Variants in BIRC2 observed in about 807,000 individuals in gnomAD.
BIRC2 encodes baculoviral IAP repeat containing 2, also known as baculoviral IAP repeat-containing protein 2.
Under a neutral mutation model 60.9 loss-of-function variants are expected in BIRC2, and 18 were observed. The observed-to-expected ratio is 0.30, with a 90% CI of 0.20 to 0.44. BIRC2 has a LOEUF of 0.44. Among genes scored for constraint, BIRC2 ranks in the 20% least tolerant of loss-of-function variants. The pLI, the probability that BIRC2 is intolerant of heterozygous loss-of-function variation, is 1.00. For synonymous variants in BIRC2, 282 were observed against 247.7 expected, an observed-to-expected ratio of 1.14 and a Z score of -1.30; for missense variants, 701 against 728.5, an observed-to-expected ratio of 0.96 and a Z score of 0.43.
chr11:102,373,786 C>G (rs895466263), intron 6 of BIRC2, among the ~76,000 whole-genome samples: 36 of 151,746 alleles, frequency 2.4e-4, no homozygotes, highest in Admixed American at 1.0e-3. Flanking sequence ...TCCAATCTCC[C>G]CATCACTTTC....
At chr11:102,366,491 CA>C (rs1951554374) in intron 5 of BIRC2, among the ~76,000 whole-genome samples, 1 of 152,052 alleles carries the variant, frequency 6.6e-6, no homozygotes, top group Non-Finnish European at 1.5e-5. Context: ...CTCAGCCTCC[CA>C]GGTAGCTGGG....
At position 102,377,986 on chromosome 11, in the gene BIRC2, T is replaced by C. The variant is rs369998510; in HGVS notation, c.1664-4T>C. ...ATTTCACTAAAGTTATTTTTTGTTA[T>C]TAGGTCTGTCACTGGAAGAACAATT... On this transcript the variant is annotated splice_region_variant and splice_polypyrimidine_tract_variant and intron_variant, in intron 8 of 8. Transcript: ENST00000227758. 1.2e-5 allele frequency: 20 copies of C among 1,605,320 alleles called. No individual in the cohort carries two copies. In the South Asian group the frequency reaches 1.5e-4, roughly 12 times the overall value.
intron 3 of BIRC2, among the ~76,000 whole-genome samples, chr11:102,361,965 T>C (rs1329830986): frequency 1.3e-5 from 2 of 152,066 alleles, no homozygotes; most frequent in Admixed American, 6.5e-5. Context: ...TGTCTCCTAG[T>C]CTGCTGTCTT....
chr11:102,351,988 C>T (rs989845187), intron 3 of BIRC2, among the ~76,000 whole-genome samples: 1 of 152,102 alleles, frequency 6.6e-6, no homozygotes, highest in African/African-American at 2.4e-5. Context: ...GCGATTATAC[C>T]GCTATCCATC....
At chr11:102,360,005 C>T (rs1294862854) in intron 3 of BIRC2, among the ~76,000 whole-genome samples, 2 of 149,282 alleles carry the variant, frequency 1.3e-5, no homozygotes, top group Non-Finnish European at 3.0e-5. Context: ...CTTGTTCTGT[C>T]ACCCAGGCTG....
chr11:102,368,400 A>G lies in BIRC2; in HGVS notation c.1218A>G (p.Arg406=). The change falls in exon 6 of 9, where the codon AGA becomes AGG. Residue 406 remains arginine (R), a synonymous_variant. Transcript: ENST00000227758. ...VKSALEMGFN[R]DLVKQTVQSK... ...CTGCCTTGGAAATGGGCTTTAATAG[A>G]GACCTGGTGAAACAAACAGTTCAAA... 1 of 1,614,100 alleles carries G rather than the reference A, an allele frequency of 6.2e-7. No individual in the cohort carries two copies. The highest frequency in any genetic ancestry group is 8.5e-7 in the Non-Finnish European group (1 of 1,180,000).
chr11:102,365,181 ATTAC>A (rs1329987881), intron 5 of BIRC2, among the ~76,000 whole-genome samples: 1 of 152,138 alleles, frequency 6.6e-6, no homozygotes, highest in Non-Finnish European at 1.5e-5. Context: ...TTCTAAGGCC[ATTAC>A]TTCTACTTGT....
At chr11:102,351,642 A>G (rs1016189875) in intron 3 of BIRC2, among the ~76,000 whole-genome samples, 8 of 146,706 alleles carry the variant, frequency 5.5e-5, no homozygotes, top group African/African-American at 1.4e-4. Flanking sequence ...AAAAAAGAAA[A>G]AAGCATATCT....
In BIRC2 at chr11:102,366,731, C is replaced by A. The variant is rs113310159; in HGVS notation, c.1124-1575C>A. On this transcript the variant is annotated intron_variant, in intron 5 of 8. Coordinates refer to ENST00000227758, the MANE Select transcript of BIRC2 (RefSeq NM_001166.5). ...TGTGTCTAACATCCTAACAAGTCTT[C>A]CTGATTCTGGTTTACCCCATTAAAG... Among the ~76,000 whole-genome samples, 1,475 of 152,250 alleles carry A rather than the reference C, an allele frequency of 9.7e-3. 23 individuals carry two copies. The highest frequency in any genetic ancestry group is 0.034 in the African/African-American group (1,395 of 41,544).
Position 102,350,460 on chromosome 11 carries a change from A to G in BIRC2, c.606A>G (p.Ser202=). Residue 202 remains serine, a synonymous_variant, in exon 2 of 9, where the codon TCA becomes TCG. Transcript: ENST00000227758. ...HMWPLTFLSP[S]ELARAGFYYI... The stretch of plus-strand genomic sequence containing the variant: ...GGCCATTAACTTTTTTGTCACCATC[A>G]GAATTGGCAAGAGCTGGTTTTTATT... The G allele has an allele frequency of 8.1e-6, 13 of 1,614,216 alleles. No homozygotes were observed. The highest frequency in any genetic ancestry group is 1.1e-5 in the Non-Finnish European group (13 of 1,180,032).
chr11:102,350,631 T>C lies in BIRC2; in HGVS notation c.777T>C (p.Phe259=), dbSNP rs1951348364. Residue 259 remains phenylalanine, a synonymous_variant, in exon 2 of 9, where the codon TTT becomes TTC. Coordinates refer to ENST00000227758, the MANE Select transcript of BIRC2 (RefSeq NM_001166.5). The part of the protein sequence containing the change: ...FLENSLETLR[F]SISNLSMQTH... Reference sequence around the variant, plus strand: ...AAAATTCTCTAGAAACTCTGAGGTTTAGCATTTCAAATCTGAGCATGCAGA... The same window carrying C: ...AAAATTCTCTAGAAACTCTGAGGTTCAGCATTTCAAATCTGAGCATGCAGA... The C allele has an allele frequency of 1.2e-6, 2 of 1,614,046 alleles. No individual in the cohort carries two copies. The highest frequency in any genetic ancestry group is 1.7e-6 in the Non-Finnish European group (2 of 1,180,052).
intron 3 of BIRC2, among the ~76,000 whole-genome samples, chr11:102,353,009 C>G (rs1439853134): frequency 6.6e-6 from 1 of 151,946 alleles, no homozygotes; most frequent in African/African-American, 2.4e-5. Context: ...TAAATTTTGA[C>G]TTTTTTACAC....
chr11:102,348,483 T>C (rs1388407947), intron 1 of BIRC2, 115 bp from the exon 2 acceptor site: 1 of 160,210 alleles, frequency 6.2e-6, no homozygotes, highest in Non-Finnish European at 1.4e-5. Context: ...AATTAAGATG[T>C]ATTATCTAAA....
intron 3 of BIRC2, among the ~76,000 whole-genome samples, chr11:102,352,347 C>A (rs974530210): frequency 2.6e-5 from 4 of 152,048 alleles, no homozygotes; most frequent in Non-Finnish European, 5.9e-5. Flanking sequence ...ATCTCCTGAC[C>A]TCGTGATCCA....
intron 4 of BIRC2, 84 bp downstream of exon 4, chr11:102,363,058 G>A: frequency 9.2e-7 from 1 of 1,088,978 alleles, no homozygotes; most frequent in Non-Finnish European, 1.3e-6. Context: ...AAGTGATCAT[G>A]ATTTTTGCCA....
At chr11:102,351,440 C>A (rs1440657986) in intron 3 of BIRC2, among the ~76,000 whole-genome samples, 3 of 151,530 alleles carry the variant, frequency 2.0e-5, no homozygotes, top group Admixed American at 6.6e-5. Context: ...CATGGTGAAA[C>A]CCCGTATGTA....
rs1379669850 is a variant in BIRC2 at position 102,347,623 on chromosome 11, T to G, written c.-1258+247T>G. On this transcript the variant is annotated intron_variant, in intron 1 of 8. Coordinates refer to ENST00000227758, the MANE Select transcript of BIRC2 (RefSeq NM_001166.5). ...TTAAAATGACTTGTTTTCAAGCCTC[T>G]GGCCGCCGCCCACTCTTCTGGCCCT... 2.6e-5 allele frequency: 4 copies of G among 152,260 alleles called. No individual in the cohort carries two copies. The East Asian group carries it at 5.8e-4, about 22-fold the overall frequency. 9.4% of individuals were successfully genotyped at this position (152,260 alleles called of 1,614,324 possible).
At position 102,378,255 on chromosome 11, in the gene BIRC2, A is replaced by G. The variant is rs1951736829; in HGVS notation, c.*72A>G. The stretch of plus-strand genomic sequence containing the variant: ...ATTGTTGAACACTTGAAGCCATCTA[A>G]AGTAAAAAGGGAATTATGAGTTTTT... On this transcript the variant is annotated 3_prime_UTR_variant, in exon 9 of 9. Coordinates refer to ENST00000227758, the MANE Select transcript of BIRC2 (RefSeq NM_001166.5). The G allele has an allele frequency of 8.3e-7, 1 of 1,198,562 alleles. No individual in the cohort carries two copies. Among genetic ancestry groups the G allele is most frequent in the African/African-American group, 1.6e-5 (1 of 63,834 alleles). The allele number at this position is 1,198,562 out of a possible 1,614,324, so 74.2% of individuals were successfully genotyped here.
chr11:102,351,642 AAAG>A (rs1026447584), intron 3 of BIRC2, among the ~76,000 whole-genome samples: 17 of 146,708 alleles, frequency 1.2e-4, no homozygotes, highest in African/African-American at 2.2e-4. Flanking sequence ...AAAAAAGAAA[AAAG>A]CATATCTGAC....
Sources: gnomAD v4.1 joint callset for allele counts (sites outside exome capture counted in the v4.1 genomes callset) on GRCh38, gnomAD v4.1.1 for gene constraint, MANE v1.5 for transcripts, NCBI Gene and HGNC (gene_info 2026-07-23, HGNC 2026-07-21) for gene names.